Variants in TCF4 observed in about 807,000 individuals in gnomAD.
TCF4 encodes the protein transcription factor 4.
Under a neutral mutation model 82.1 loss-of-function variants are expected in TCF4, and 3 were observed. The ratio of observed to expected loss-of-function variants is 0.04; its 90% CI spans 0.02 to 0.09. The LOEUF is 0.09. Ranked by LOEUF, TCF4 falls within the 10% of genes least tolerant of loss-of-function variation. The pLI is 1.00. For missense variants in TCF4, 518 were observed against 852.7 expected, an observed-to-expected ratio of 0.61 and a Z score of 4.89; for synonymous variants, 276 against 309.6, an observed-to-expected ratio of 0.89 and a Z score of 1.14.
At chr18:55,295,427 A>G (rs1352471998) in intron 8 of TCF4, among the ~76,000 whole-genome samples, 1 of 152,122 alleles carries the variant, frequency 6.6e-6, no homozygotes, top group South Asian at 2.1e-4. Flanking sequence ...CACTACTTCA[A>G]TGAAACTGCT....
chr18:55,318,154 G>T (rs2074609021), intron 8 of TCF4, among the ~76,000 whole-genome samples: 1 of 151,982 alleles, frequency 6.6e-6, no homozygotes, highest in South Asian at 2.1e-4. Flanking sequence ...AGTTTTATTT[G>T]CCATAATTTT....
intron 16 of TCF4, chr18:55,234,275 T>C: frequency 6.9e-6 from 4 of 575,638 alleles, no homozygotes; most frequent in South Asian, 2.4e-5. Flanking sequence ...TGGAAATAGC[T>C]AAAATAAAAT....
At chr18:55,385,861 G>A (rs1484779647) in intron 6 of TCF4, among the ~76,000 whole-genome samples, 1 of 152,162 alleles carries the variant, frequency 6.6e-6, no homozygotes, top group African/African-American at 2.4e-5. Flanking sequence ...GGGCCCTAGA[G>A]GCTCCCAGTT....
At chr18:55,504,121 T>G (rs1314170220) in intron 3 of TCF4, among the ~76,000 whole-genome samples, 1 of 152,232 alleles carries the variant, frequency 6.6e-6, no homozygotes, top group Non-Finnish European at 1.5e-5. Context: ...CTATCTCTGC[T>G]GCTCTCATAT....
chr18:55,587,909 T>C, intron 1 of TCF4, 129 bp downstream of exon 1: 2 of 815,812 alleles, frequency 2.5e-6, no homozygotes, highest in Non-Finnish European at 2.9e-6. Flanking sequence ...GGGGTGTCTC[T>C]TCTGGGAGCG....
At chr18:55,571,728 G>C (rs1041195440) in intron 3 of TCF4, among the ~76,000 whole-genome samples, 2 of 147,398 alleles carry the variant, frequency 1.4e-5, no homozygotes, top group Non-Finnish European at 3.0e-5. Context: ...ATGTGAATGA[G>C]AGGTAGAGGG....
chr18:55,610,153 A>G (rs140401740), intron 2 of TCF4, among the ~76,000 whole-genome samples: 4 of 152,304 alleles, frequency 2.6e-5, no homozygotes, highest in Non-Finnish European at 4.4e-5. Flanking sequence ...AGTAGATTTT[A>G]TAGGTCTACA....
At chr18:55,586,883 T>C in intron 2 of TCF4, 162 bp downstream of exon 2, 1 of 625,228 alleles carries the variant, frequency 1.6e-6, no homozygotes, top group Middle Eastern at 4.5e-4. Context: ...ACCACAAAAT[T>C]ATAGTTAAAA....
At chr18:55,455,179 CAAAAA>C (rs35889370) in intron 5 of TCF4, among the ~76,000 whole-genome samples, 6 of 67,466 alleles carry the variant, frequency 8.9e-5, no homozygotes, top group Admixed American at 1.8e-4. Flanking sequence ...GACTCTGTCT[CAAAAA>C]AAAAAAAAAA....
At chr18:55,257,618 T>C in intron 13 of TCF4, 1 of 584,852 alleles carries the variant, frequency 1.7e-6, no homozygotes, top group Non-Finnish European at 3.0e-6. Flanking sequence ...AGGCTGGCTG[T>C]CTCCTAAAAG....
chr18:55,520,105 A>C (rs2096920712), intron 3 of TCF4, among the ~76,000 whole-genome samples: 1 of 152,204 alleles, frequency 6.6e-6, no homozygotes, highest in Admixed American at 6.5e-5. Flanking sequence ...GCTACCTAAA[A>C]TGAATTTTTA....
intron 5 of TCF4, among the ~76,000 whole-genome samples, chr18:55,436,594 T>C (rs1038563357): frequency 6.6e-6 from 1 of 152,114 alleles, no homozygotes; most frequent in Non-Finnish European, 1.5e-5. Context: ...ATGAAAGATA[T>C]ATGAAATCTA....
At chr18:55,317,050 C>T (rs540492346) in intron 8 of TCF4, among the ~76,000 whole-genome samples, 7 of 152,040 alleles carry the variant, frequency 4.6e-5, no homozygotes, top group Admixed American at 3.9e-4. Context: ...CAAGATGTAG[C>T]CACAATGTCA....
Position 55,365,011 on chromosome 18 carries a change from G to A in TCF4, c.370-14008C>T, listed in dbSNP as rs904409706. On this transcript the variant is annotated intron_variant, in intron 6 of 19. Transcript: ENST00000354452. ...TCTACTAAAAATACAAAAAATTAACGGTGTGGTGGCATGCACCTGTAGTGC... is the reference window on the plus strand; with the variant it reads ...TCTACTAAAAATACAAAAAATTAACAGTGTGGTGGCATGCACCTGTAGTGC... Among the ~76,000 whole-genome samples, 98 of 150,932 alleles carry A rather than the reference G, an allele frequency of 6.5e-4. 1 individual carries two copies. Among genetic ancestry groups the A allele is most frequent in the African/African-American group, 2.3e-3 (95 of 41,054 alleles).
intron 8 of TCF4, among the ~76,000 whole-genome samples, chr18:55,341,386 T>C (rs1265622088): frequency 6.6e-6 from 1 of 152,222 alleles, no homozygotes; most frequent in Non-Finnish European, 1.5e-5. Context: ...AATGATGTAA[T>C]AGTGTACCAC....
intron 6 of TCF4, among the ~76,000 whole-genome samples, chr18:55,372,967 T>G (rs1015935601): frequency 2.6e-5 from 4 of 151,890 alleles, no homozygotes; most frequent in Non-Finnish European, 4.4e-5. Flanking sequence ...GTATAATTCC[T>G]GCACCATTAG....
rs1163227705 is a variant in TCF4, at chr18:55,572,654, G to C, written c.145+12626C>G. On this transcript the variant is annotated intron_variant, in intron 3 of 19. Transcript: ENST00000354452. ...ACAAAGACATTCAGTAACTTCTGTGGCTGTGCTACCTGATACCTGACCACA... is the reference window on the plus strand; with the variant it reads ...ACAAAGACATTCAGTAACTTCTGTGCCTGTGCTACCTGATACCTGACCACA... 3.3e-5 allele frequency among the ~76,000 whole-genome samples: 5 copies of C among 152,262 alleles called. No homozygotes were observed. In the East Asian group the frequency reaches 9.7e-4, roughly 29 times the overall value.
At chr18:55,548,169 G>A (rs745636774) in intron 3 of TCF4, among the ~76,000 whole-genome samples, 2 of 152,166 alleles carry the variant, frequency 1.3e-5, no homozygotes, top group Admixed American at 6.5e-5. Flanking sequence ...ATTGCACTTC[G>A]TTTATTTTAA....
At chr18:55,421,813 T>C (rs2094769388) in intron 5 of TCF4, among the ~76,000 whole-genome samples, 1 of 152,212 alleles carries the variant, frequency 6.6e-6, no homozygotes, top group Non-Finnish European at 1.5e-5. Context: ...CAGGCTTGTC[T>C]GTCAAACATG....
Sources: allele counts gnomAD v4.1 joint callset (sites outside exome capture counted in the v4.1 genomes callset), GRCh38; gene constraint gnomAD v4.1.1; transcripts MANE v1.5; gene names NCBI Gene and HGNC (gene_info 2026-07-23, HGNC 2026-07-21).